Variants in ADAMTSL1 observed in about 807,000 individuals in gnomAD.
ADAMTSL1 encodes ADAMTS-like protein 1.
Under a neutral mutation model 201.8 loss-of-function variants are expected in ADAMTSL1, and 126 were observed. The observed-to-expected ratio is 0.62, with a 90% confidence interval of 0.54 to 0.72. The LOEUF is 0.72. Among genes scored for constraint, ADAMTSL1 ranks in the 30% least tolerant of loss-of-function variants. ADAMTSL1 has a pLI of 0.00. For synonymous variants in ADAMTSL1, 1,121 were observed against 903.4 expected (o/e 1.24, Z -4.32); for missense variants, 2,679 against 2,277.8 (o/e 1.18, Z -3.59).
intron 1 of ADAMTSL1, among the ~76,000 whole-genome samples, chr9:18,054,506 T>C (rs556895524): frequency 6.6e-6 from 1 of 152,326 alleles, no homozygotes; most frequent in East Asian, 1.9e-4. Flanking sequence ...TGTATGTGTG[T>C]TGGAGTGGTA....
At chr9:18,568,814 A>T (rs1397554776) in intron 3 of ADAMTSL1, among the ~76,000 whole-genome samples, 1 of 150,750 alleles carries the variant, frequency 6.6e-6, no homozygotes, top group African/African-American at 2.4e-5. Flanking sequence ...ACCAATATTG[A>T]TTCTACACAT....
At chr9:17,979,951 TA>T (rs1288789666) in intron 1 of ADAMTSL1, among the ~76,000 whole-genome samples, 1 of 152,036 alleles carries the variant, frequency 6.6e-6, no homozygotes, top group Non-Finnish European at 1.5e-5. Context: ...CTGAGGGGGC[TA>T]ACATGAAGCT....
At chr9:18,833,256 T>TG (rs1253700160) in intron 23 of ADAMTSL1, among the ~76,000 whole-genome samples, 1 of 152,196 alleles carries the variant, frequency 6.6e-6, no homozygotes. Flanking sequence ...GATATTTCTG[T>TG]CTTTAGGTCT....
At chr9:18,793,787 T>C (rs1478258922) in intron 19 of ADAMTSL1, among the ~76,000 whole-genome samples, 1 of 152,118 alleles carries the variant, frequency 6.6e-6, no homozygotes, top group East Asian at 1.9e-4. Flanking sequence ...GCTTCTCCAT[T>C]GTCCCTCCAA....
intron 2 of ADAMTSL1, among the ~76,000 whole-genome samples, chr9:18,256,726 G>A (rs140317239): frequency 4.6e-5 from 7 of 152,294 alleles, no homozygotes; most frequent in African/African-American, 1.4e-4. Context: ...TTATTTACAT[G>A]TGAACCAGAT....
chr9:18,335,496 T>G (rs1563894638), intron 2 of ADAMTSL1, among the ~76,000 whole-genome samples: 1 of 152,118 alleles, frequency 6.6e-6, no homozygotes, highest in Non-Finnish European at 1.5e-5. Flanking sequence ...TGGTAATCTC[T>G]ACAGAAGTAT....
Position 18,705,751 on chromosome 9 carries a change from G to A in ADAMTSL1, c.1575-996G>A, listed in dbSNP as rs970776158. 2.0e-5 allele frequency among the ~76,000 whole-genome samples: 3 copies of A among 152,238 alleles called. No individual in the cohort carries two copies. The South Asian group carries it at 6.2e-4, about 32-fold the overall frequency. On this transcript the variant is annotated intron_variant, in intron 13 of 28. Transcript: ENST00000380548. The stretch of plus-strand genomic sequence containing the variant: ...CTCCTTATACATATAAATAAATCTC[G>A]GGAAGCATATTGAACAAAGAAAGTT...
intron 2 of ADAMTSL1, among the ~76,000 whole-genome samples, chr9:18,276,713 A>G (rs1052966819): frequency 1.3e-5 from 2 of 152,208 alleles, no homozygotes; most frequent in Non-Finnish European, 2.9e-5. Flanking sequence ...TGATGAGAAC[A>G]GGAGCAAGAG....
chr9:18,186,832 A>AACACACAC (rs35993162), intron 2 of ADAMTSL1, among the ~76,000 whole-genome samples: 1 of 149,518 alleles, frequency 6.7e-6, no homozygotes, highest in African/African-American at 2.5e-5. Flanking sequence ...ATCACTGTAC[A>AACACACAC]ACACACACAC....
At chr9:18,692,288 T>C (rs762482222) in intron 13 of ADAMTSL1, among the ~76,000 whole-genome samples, 1 of 152,216 alleles carries the variant, frequency 6.6e-6, no homozygotes, top group East Asian at 1.9e-4. Context: ...TACTCTGAGT[T>C]AAATATACTT....
rs115312206 is a variant in ADAMTSL1, at chr9:18,857,699, G to A, written c.4249+27722G>A. On this transcript the variant is annotated intron_variant, in intron 23 of 28. Coordinates refer to ENST00000380548, the MANE Select transcript of ADAMTSL1 (RefSeq NM_001040272.6). ...TTTGGAATTAATACGTCTTTTGTGA[G>A]GAGGTCCCCTGGGACTGTGGCAAAT... Among the ~76,000 whole-genome samples the A allele has an allele frequency of 6.5e-3, 991 of 152,304 alleles. 13 individuals carry two copies. The highest frequency in any genetic ancestry group is 0.022 in the African/African-American group (924 of 41,554).
chr9:17,917,924 T>C (rs540655385), intron 1 of ADAMTSL1, among the ~76,000 whole-genome samples: 2 of 152,128 alleles, frequency 1.3e-5, no homozygotes, highest in South Asian at 2.1e-4. Flanking sequence ...TTCGTCAGTT[T>C]CATCTAACTT....
At chr9:18,718,897 A>G (rs1054664094) in intron 14 of ADAMTSL1, among the ~76,000 whole-genome samples, 4 of 152,240 alleles carry the variant, frequency 2.6e-5, no homozygotes, top group East Asian at 1.9e-4. Context: ...GTTTTATTTT[A>G]GAGTCTCATT....
At chr9:18,795,621 G>A in intron 20 of ADAMTSL1, 97 bp downstream of exon 20, 1 of 1,302,322 alleles carries the variant, frequency 7.7e-7, no homozygotes, top group East Asian at 2.5e-5. Context: ...AGATAAAGGA[G>A]ACCCAGATCC....
intron 2 of ADAMTSL1, among the ~76,000 whole-genome samples, chr9:18,400,326 G>T (rs1319612380): frequency 6.6e-6 from 1 of 152,056 alleles, no homozygotes; most frequent in Non-Finnish European, 1.5e-5. Context: ...ATATAATTCA[G>T]TCTTTTCTCC....
intron 2 of ADAMTSL1, among the ~76,000 whole-genome samples, chr9:18,287,636 T>C (rs987981031): frequency 1.4e-5 from 2 of 139,478 alleles, no homozygotes; most frequent in African/African-American, 5.1e-5. Flanking sequence ...TATACGCATA[T>C]ATGTATGTGT....
chr9:18,551,182 C>A (rs1820779098), intron 3 of ADAMTSL1, among the ~76,000 whole-genome samples: 1 of 151,856 alleles, frequency 6.6e-6, no homozygotes, highest in African/African-American at 2.4e-5. Context: ...TATACTTGTT[C>A]TCTTTGCTTC....
At position 18,775,724 on chromosome 9, in the gene ADAMTSL1, G is replaced by A. The variant is rs1181916950; in HGVS notation, c.2398-19G>A. 5 of 1,610,276 alleles carry A rather than the reference G, an allele frequency of 3.1e-6. No homozygotes were observed. Among genetic ancestry groups the A allele is most frequent in the South Asian group, 2.2e-5 (2 of 89,932 alleles). On this transcript the variant is annotated intron_variant, in intron 17 of 28. Coordinates refer to ENST00000380548, the MANE Select transcript of ADAMTSL1 (RefSeq NM_001040272.6). ...AGTTCCCAGAATTTATGTGCATTTG[G>A]CCTTTCTTTCTCCACCAGTGTTCCA...
intron 1 of ADAMTSL1, among the ~76,000 whole-genome samples, chr9:17,967,837 T>G (rs546425959): frequency 6.6e-6 from 1 of 152,238 alleles, no homozygotes; most frequent in South Asian, 2.1e-4. Flanking sequence ...ATTTCTAGTT[T>G]TCCTCCTTTT....
Sources: gnomAD v4.1 joint callset for allele counts (sites outside exome capture counted in the v4.1 genomes callset) on GRCh38, gnomAD v4.1.1 for gene constraint, MANE v1.5 for transcripts, NCBI Gene and HGNC (gene_info 2026-07-23, HGNC 2026-07-21) for gene names.